RAB40B: variants seen among roughly 807,000 people sequenced by gnomAD.
RAB40B encodes the protein ras-related protein Rab-40B.
Under a neutral mutation model 24.0 loss-of-function variants are expected in RAB40B, and 21 were observed. The ratio of observed to expected loss-of-function variants is 0.88; its 90% CI spans 0.62 to 1.26. The LOEUF is 1.26. Among genes scored for constraint, RAB40B ranks in the 50% most tolerant of loss-of-function variants. RAB40B has a pLI of 0.00. For synonymous variants in RAB40B, 167 were observed against 169.8 expected, an observed-to-expected ratio of 0.98 and a Z score of 0.13; for missense variants, 348 against 390.5, an observed-to-expected ratio of 0.89 and a Z score of 0.92.
In RAB40B at chr17:82,697,708, G is replaced by A. The variant is rs1598323251; in HGVS notation, c.142+747C>T. ...TTCCTGCCCCCGCCTTTCTTTCCCCGGAGCCGTCCACCCCCTCGCCGGGCG... is the reference window on the plus strand; with the variant it reads ...TTCCTGCCCCCGCCTTTCTTTCCCCAGAGCCGTCCACCCCCTCGCCGGGCG... On this transcript the variant is annotated intron_variant, in intron 1 of 5. Coordinates refer to ENST00000571995, the MANE Select transcript of RAB40B (RefSeq NM_006822.3). This position sits in a 1 kb window ranked among gnomAD's most constrained non-coding sequence, Gnocchi z 4.9. 6.6e-6 allele frequency among the ~76,000 whole-genome samples: 1 copy of A among 152,104 alleles called. No homozygotes were observed. Among genetic ancestry groups the A allele is most frequent in the Non-Finnish European group, 1.5e-5 (1 of 68,024 alleles).
In RAB40B at chr17:82,666,688, AAG is replaced by A. The variant is rs150498412; in HGVS notation, c.143-2134_143-2133del. 1.6e-4 allele frequency among the ~76,000 whole-genome samples: 24 copies of A among 152,136 alleles called. No homozygotes were observed. The East Asian group carries it at 4.4e-3, about 28-fold the overall frequency. On this transcript the variant is annotated intron_variant, in intron 1 of 5. Transcript: ENST00000571995. ...CCAGGTCTGTCATTGAGAACATGGA[AAG>A]AGAGGGTTTGAGTTAAGGGGCTGGA...
intron 4 of RAB40B, 24 bp downstream of exon 4, chr17:82,659,556 G>A (rs1426884459): frequency 1.9e-6 from 3 of 1,611,482 alleles, no homozygotes; most frequent in Non-Finnish European, 2.5e-6. Context: ...AGGGATCTTG[G>A]GCAGTGGCAT....
intron 2 of RAB40B, among the ~76,000 whole-genome samples, 199 bp downstream of exon 2, chr17:82,664,297 T>G (rs546666343): frequency 1.7e-5 from 2 of 119,228 alleles, no homozygotes; most frequent in African/African-American, 6.6e-5. Context: ...CGGGGTGCTG[T>G]GCTGATGGTG....
intron 1 of RAB40B, among the ~76,000 whole-genome samples, chr17:82,666,010 C>T (rs1223727939): frequency 6.6e-6 from 1 of 151,828 alleles, no homozygotes; most frequent in Non-Finnish European, 1.5e-5. Flanking sequence ...CCTCTACCTC[C>T]TGGGCTCATA....
intron 1 of RAB40B, among the ~76,000 whole-genome samples, chr17:82,674,078 C>T (rs1000799509): frequency 1.5e-4 from 23 of 152,232 alleles, no homozygotes; most frequent in African/African-American, 4.1e-4. Context: ...CGGTGGCTCG[C>T]GCCTGTAATC....
intron 1 of RAB40B, among the ~76,000 whole-genome samples, chr17:82,681,020 C>CAAAAAAAAA (rs201799464): frequency 6.4e-5 from 6 of 93,942 alleles, no homozygotes; most frequent in Non-Finnish European, 9.9e-5. Context: ...GACTCCATCT[C>CAAAAAAAAA]AAAAAAAAAA....
At chr17:82,660,426 A>T (rs967980156) in intron 3 of RAB40B, among the ~76,000 whole-genome samples, 1 of 145,624 alleles carries the variant, frequency 6.9e-6, no homozygotes, top group African/African-American at 2.8e-5. Context: ...ACACGTGTAA[A>T]CACACGCACA....
chr17:82,663,272 G>A lies in RAB40B; in HGVS notation c.203+1224C>T, dbSNP rs1233753072. Among the ~76,000 whole-genome samples the A allele has an allele frequency of 1.3e-5, 2 of 152,134 alleles. No individual in the cohort carries two copies. The highest frequency in any genetic ancestry group is 1.5e-5 in the Non-Finnish European group (1 of 67,988). On this transcript the variant is annotated intron_variant, in intron 2 of 5. Transcript: ENST00000571995. This position sits in a 1 kb window ranked among gnomAD's most constrained non-coding sequence, Gnocchi z 6.2. ...GTAGGAAGGGGACAGGTAAGAGAAG[G>A]GGGTCCCAGCTGCTGGAGGCACACG...
intron 1 of RAB40B, among the ~76,000 whole-genome samples, chr17:82,669,855 A>G (rs78677890): frequency 0.1 from 15,303 of 152,276 alleles, 1,035 homozygotes; most frequent in East Asian, 0.19. Flanking sequence ...GTCAGCAATG[A>G]ACACACTGAG....
Position 82,659,673 on chromosome 17 carries a change from C to G in RAB40B, c.265-16G>C, listed in dbSNP as rs1351190905. The G allele has an allele frequency of 6.2e-7, 1 of 1,612,284 alleles. No individual in the cohort carries two copies. Among genetic ancestry groups the G allele is most frequent in the Non-Finnish European group, 8.5e-7 (1 of 1,178,296 alleles). The stretch of plus-strand genomic sequence containing the variant: ...GGATCACACCCTGGGGGAGAGGTCA[C>G]AGGCTCAGCACGCAGAACACAGATG... On this transcript the variant is annotated splice_polypyrimidine_tract_variant and intron_variant, in intron 3 of 5. Transcript: ENST00000571995.
In RAB40B at chr17:82,657,867, G is replaced by C; in HGVS notation, c.833C>G (p.Ser278Cys). 1 of 1,403,418 alleles carries C rather than the reference G, an allele frequency of 7.1e-7. No homozygotes were observed. The highest frequency in any genetic ancestry group is 9.7e-7 in the Non-Finnish European group (1 of 1,029,300). 86.9% of individuals were successfully genotyped at this position (1,403,418 alleles called of 1,614,324 possible). A position where few individuals can be genotyped will look rare whatever the true frequency, so the allele number is the denominator to read the frequency against. The change falls in exon 6 of 6, where the codon TCT becomes TGT. Residue 278 changes from serine (S) to cysteine (C), a missense_variant. Coordinates refer to ENST00000571995, the MANE Select transcript of RAB40B (RefSeq NM_006822.3). ...KNCTRNSCKI[S>C] The stretch of plus-strand genomic sequence containing the variant: ...GTGTTTCTTTCAGTGCCTTCCTTAA[G>C]AAATTTTGCAGCTGTTTCTGGTGCA...
At chr17:82,679,557 G>A (rs898254698) in intron 1 of RAB40B, among the ~76,000 whole-genome samples, 1 of 152,204 alleles carries the variant, frequency 6.6e-6, no homozygotes, top group Non-Finnish European at 1.5e-5. Flanking sequence ...GATCACAGGT[G>A]GGAGCCACTG....
chr17:82,690,603 G>A (rs868553210), intron 1 of RAB40B, among the ~76,000 whole-genome samples: 181 of 133,886 alleles, frequency 1.4e-3, no homozygotes, highest in African/African-American at 4.7e-3. Context: ...TGTGTCCAGG[G>A]GAAGATCTGC....
intron 2 of RAB40B, 24 bp downstream of exon 2, chr17:82,664,472 C>T (rs373709578): frequency 5.7e-5 from 91 of 1,609,212 alleles, no homozygotes; most frequent in African/African-American, 5.5e-4. Context: ...GGGTGCGGGA[C>T]GCTCGCACCT....
rs538758802 is a variant in RAB40B at position 82,667,341 on chromosome 17, GGCCTGGGCGTTGCAGCA to G, written c.143-2802_143-2786del. 1.9e-3 allele frequency among the ~76,000 whole-genome samples: 294 copies of G among 152,348 alleles called. No individual in the cohort carries two copies. The Middle Eastern group carries it at 0.024, about 12-fold the overall frequency. On this transcript the variant is annotated intron_variant, in intron 1 of 5. Transcript: ENST00000571995. This position sits in a 1 kb window ranked among gnomAD's most constrained non-coding sequence, Gnocchi z 4.3. Reference sequence around the variant, plus strand: ...AGCTGGTCGCCCACATCTTCAGGCAGGCCTGGGCGTTGCAGCAGCTCTGGGCCTCTGTCCTCCACTTT... The same window carrying G: ...AGCTGGTCGCCCACATCTTCAGGCAGGCTCTGGGCCTCTGTCCTCCACTTT...
chr17:82,660,114 T>A (rs1190029260), intron 3 of RAB40B, among the ~76,000 whole-genome samples: 1 of 148,536 alleles, frequency 6.7e-6, no homozygotes, highest in Admixed American at 6.7e-5. Context: ...ACAGTGCACA[T>A]ACCTGCACAC....
intron 4 of RAB40B, 191 bp downstream of exon 4, chr17:82,659,389 G>A: frequency 1.7e-6 from 1 of 586,966 alleles, no homozygotes; most frequent in Non-Finnish European, 3.0e-6. Flanking sequence ...TTTCGTGATT[G>A]TAGCTATCAC....
chr17:82,685,752 A>G (rs1033522061), intron 1 of RAB40B, among the ~76,000 whole-genome samples: 2 of 151,572 alleles, frequency 1.3e-5, no homozygotes, highest in Admixed American at 6.6e-5. Context: ...GCTCACATTC[A>G]CCCAGAACTT....
intron 2 of RAB40B, among the ~76,000 whole-genome samples, chr17:82,661,692 G>C (rs2046174532): frequency 1.3e-5 from 2 of 152,086 alleles, no homozygotes; most frequent in Non-Finnish European, 2.9e-5. Flanking sequence ...TTGGAGACCA[G>C]CCTGGCCAAC....
Sources: allele counts gnomAD v4.1 joint callset (sites outside exome capture counted in the v4.1 genomes callset), GRCh38; gene constraint gnomAD v4.1.1; non-coding constraint Gnocchi (gnomAD v3.1); transcripts MANE v1.5; gene names NCBI Gene and HGNC (gene_info 2026-07-23, HGNC 2026-07-21).